The following TSPOAP1 variants were observed in gnomAD, a reference collection of about 807,000 sequenced individuals.
TSPOAP1 encodes the protein peripheral-type benzodiazepine receptor-associated protein 1.
TSPOAP1 carries 87 observed loss-of-function variants against 197.0 expected under a neutral mutation model. The ratio of observed to expected loss-of-function variants is 0.44; its 90% CI spans 0.37 to 0.53. The LOEUF (loss-of-function observed/expected upper bound fraction) is 0.53. TSPOAP1 is among the 20% of genes least tolerant of loss of function. The pLI is 0.00. For missense variants in TSPOAP1, 2,174 were observed against 2,411.3 expected (o/e 0.90, Z 2.06); for synonymous variants, 913 against 998.9 (o/e 0.91, Z 1.62).
At chr17:58,319,910 G>C (rs1214849368) in intron 12 of TSPOAP1, among the ~76,000 whole-genome samples, 199 bp downstream of exon 12, 1 of 151,928 alleles carries the variant, frequency 6.6e-6, no homozygotes, top group Non-Finnish European at 1.5e-5. Flanking sequence ...CCCAGTGTCT[G>C]ACAGACACGG....
At position 58,310,706 on chromosome 17, in the gene TSPOAP1, C is replaced by G; in HGVS notation, c.3505G>C (p.Ala1169Pro). 6.2e-7 allele frequency: 1 copy of G among 1,612,908 alleles called. No homozygotes were observed. Among genetic ancestry groups the G allele is most frequent in the South Asian group, 1.1e-5 (1 of 91,028 alleles). ...AVLGTSEERTASTSTLGEKDP... is the reference protein window; with the variant it reads ...AVLGTSEERTPSTSTLGEKDP... ...TTCTCACCCAGGGTAGATGTGCTGG[C>G]TGTCCTCTCCTCTGAGGTGCCCAGC... Residue 1169 changes from alanine to proline, a missense_variant, in exon 20 of 32, where the codon GCC becomes CCC. Around this residue, in one of 5 missense-constraint regions of TSPOAP1, gnomAD observed 1,933 missense variants for 2,139.0 expected, o/e 0.90. Coordinates refer to ENST00000343736, the MANE Select transcript of TSPOAP1 (RefSeq NM_004758.4).
In TSPOAP1 at chr17:58,304,795, C is replaced by T. The variant is rs1170953160; in HGVS notation, c.5544+266G>A. 1.5e-5 allele frequency: 9 copies of T among 608,566 alleles called. No homozygotes were observed. The highest frequency in any genetic ancestry group is 8.6e-5 in the East Asian group (3 of 34,756). 37.7% of individuals were successfully genotyped at this position (608,566 alleles called of 1,614,324 possible). On this transcript the variant is annotated intron_variant, in intron 30 of 31. Transcript: ENST00000343736. The surrounding 1 kb of genome is among the most constrained non-coding windows in gnomAD (Gnocchi z 4.2). ...CTTTTCCACAGGGCCCCCTCACCTG[C>T]GTCAGCCACCAGGTGTTGGCAGCTG...
Position 58,322,959 on chromosome 17 carries a change from C to T in TSPOAP1, c.1185G>A (p.Glu395=). The T allele has an allele frequency of 6.2e-7, 1 of 1,610,448 alleles. No individual in the cohort carries two copies. The highest frequency in any genetic ancestry group is 8.5e-7 in the Non-Finnish European group (1 of 1,178,486). Residue 395 remains glutamate, a synonymous_variant, in exon 8 of 32, where the codon GAG becomes GAA. Transcript: ENST00000343736. The surrounding 1 kb of genome is among the most constrained non-coding windows in gnomAD (Gnocchi z 5.0). ...TGGGCGGAAGTGGTACCTGCTCCTTCTCTGTGGCTCTCCCACTGAGCCGGG... is the reference window on the plus strand; with the variant it reads ...TGGGCGGAAGTGGTACCTGCTCCTTTTCTGTGGCTCTCCCACTGAGCCGGG... ...ENSRLSGRAT[E]KEQVEWENAE...
intron 4 of TSPOAP1, 53 bp downstream of exon 4, chr17:58,325,481 A>C (rs1453093609): frequency 5.0e-6 from 8 of 1,601,178 alleles, no homozygotes; most frequent in Non-Finnish European, 6.8e-6. Context: ...CACAACAGGC[A>C]GATGGCCCTG....
intron 31 of TSPOAP1, 83 bp from the exon 32 acceptor site, chr17:58,302,530 C>A: frequency 2.0e-6 from 2 of 982,270 alleles, no homozygotes; most frequent in Non-Finnish European, 2.6e-6. Context: ...GCCTAAGGGG[C>A]CTGCAGCCTC....
At position 58,326,399 on chromosome 17, in the gene TSPOAP1, G is replaced by A. The variant is rs986993760; in HGVS notation, c.464C>T (p.Thr155Ile). The part of the protein sequence containing the change: ...QMLRKSSFPE[T>I]EEKVRRLKRK... The stretch of plus-strand genomic sequence containing the variant: ...CTTCAGCCTCCGCACCTTCTCTTCT[G>A]TCTCAGGGAAGCTGCTCTTCCTCTG... The change falls in exon 3 of 32, where the codon ACA becomes ATA. Residue 155 changes from threonine (T) to isoleucine (I), a missense_variant. Thr to Ile is a moderately conservative substitution (Grantham distance 89). Transcript: ENST00000343736. This position sits in a 1 kb window ranked among gnomAD's most constrained non-coding sequence, Gnocchi z 4.7. The A allele has an allele frequency of 1.9e-6, 3 of 1,613,830 alleles. No individual in the cohort carries two copies. The East Asian group carries it at 6.7e-5, about 36-fold the overall frequency.
In TSPOAP1 at chr17:58,322,106, TCTC is replaced by T. The variant is rs1199962846; in HGVS notation, c.1422+199_1422+201del. On this transcript the variant is annotated intron_variant, in intron 10 of 31. Transcript: ENST00000343736. This position sits in a 1 kb window ranked among gnomAD's most constrained non-coding sequence, Gnocchi z 5.0. Reference sequence around the variant, plus strand: ...TCACTTTGTCACATCACCCTGTTCTTCTCCACCACTGTGCTCATCAGTGTCTGA... The same window carrying T: ...TCACTTTGTCACATCACCCTGTTCTTCACCACTGTGCTCATCAGTGTCTGA... 18 of 576,826 alleles carry T rather than the reference TCTC, an allele frequency of 3.1e-5. 1 individual carries two copies. Among genetic ancestry groups the T allele is most frequent in the Middle Eastern group, 9.2e-4 (2 of 2,176 alleles). 35.7% of individuals were successfully genotyped at this position (576,826 alleles called of 1,614,324 possible).
At position 58,302,193 on chromosome 17, in the gene TSPOAP1, G is replaced by A. The variant is rs781310835; in HGVS notation, c.*287C>T. The A allele has an allele frequency of 1.6e-6, 2 of 1,241,944 alleles. No homozygotes were observed. Among genetic ancestry groups the A allele is most frequent in the Admixed American group, 5.2e-5 (2 of 38,488 alleles). 76.9% of individuals were successfully genotyped at this position (1,241,944 alleles called of 1,614,324 possible). On this transcript the variant is annotated 3_prime_UTR_variant, in exon 32 of 32. Coordinates refer to ENST00000343736, the MANE Select transcript of TSPOAP1 (RefSeq NM_004758.4). ...AACGGGGGCTCTGGGCCCAGTCTGA[G>A]CCTTCCCTGCTCAGCAGAGACAGTG...
At chr17:58,306,635 G>T in intron 25 of TSPOAP1, 165 bp downstream of exon 25, 2 of 1,001,230 alleles carry the variant, frequency 2.0e-6, no homozygotes, top group Non-Finnish European at 2.9e-6. Flanking sequence ...CACGCGGCCA[G>T]CCCACGTACA....
rs776520679 is a variant in TSPOAP1 at position 58,305,114 on chromosome 17, G to A, written c.5491C>T (p.Pro1831Ser). ...TCCCTGTCCAGGCCGCCTGCCTCAGGCCCAGGGCCCTCCAGGAAGTTGGAT... is the reference window on the plus strand; with the variant it reads ...TCCCTGTCCAGGCCGCCTGCCTCAGACCCAGGGCCCTCCAGGAAGTTGGAT... ...VPSNFLEGPG[P>S]EAGGLDREPR... The change falls in exon 30 of 32, where the codon CCT (proline) becomes TCT (serine). Residue 1831 changes from proline (P) to serine (S), a missense_variant. Transcript: ENST00000343736. 7 of 1,614,016 alleles carry A rather than the reference G, an allele frequency of 4.3e-6. No individual in the cohort carries two copies. In the East Asian group the frequency reaches 1.1e-4, roughly 26 times the overall value.
At chr17:58,312,996 T>G (rs1420175660) in intron 16 of TSPOAP1, among the ~76,000 whole-genome samples, 1 of 152,224 alleles carries the variant, frequency 6.6e-6, no homozygotes, top group Non-Finnish European at 1.5e-5. Flanking sequence ...AAATGCAGAT[T>G]CTAACTCGGT....
At position 58,305,693 on chromosome 17, in the gene TSPOAP1, C is replaced by G. The variant is rs761761845; in HGVS notation, c.5258-50G>C. ...CTGGACTCTCTGGAGAGCCCTACAC[C>G]CCATCCTGTCTTCTGCCCCGGACCC... On this transcript the variant is annotated intron_variant, in intron 27 of 31. Coordinates refer to ENST00000343736, the MANE Select transcript of TSPOAP1 (RefSeq NM_004758.4). 2.2e-6 allele frequency: 3 copies of G among 1,366,232 alleles called. No homozygotes were observed. In the South Asian group the frequency reaches 3.9e-5, roughly 18 times the overall value. The allele number at this position is 1,366,232 out of a possible 1,614,324, so 84.6% of individuals were successfully genotyped here. A position where few individuals can be genotyped will look rare whatever the true frequency, so the allele number is the denominator to read the frequency against.
In TSPOAP1 at chr17:58,310,586, G is replaced by A. The variant is rs200749897; in HGVS notation, c.3625C>T (p.Arg1209Trp). The change falls in exon 20 of 32, where the codon CGG (arginine) becomes TGG (tryptophan). Residue 1209 changes from arginine to tryptophan, a missense_variant. Physicochemically the swap from Arg to Trp is moderately radical, Grantham distance 101. Transcript: ENST00000343736. ...CPASSSTQGA[R>W]AQQAPNTEMC... ...TCGGTATTTGGCGCCTGCTGGGCCC[G>A]TGCTCCCTGGGTGGAGCTGGAGGCC... 1.1e-4 allele frequency: 177 copies of A among 1,613,232 alleles called. No individual in the cohort carries two copies. The highest frequency in any genetic ancestry group is 1.9e-4 in the South Asian group (17 of 91,082).
chr17:58,312,747 G>T lies in TSPOAP1; in HGVS notation c.2099-25C>A, dbSNP rs769086205. 22 of 1,596,370 alleles carry T rather than the reference G, an allele frequency of 1.4e-5. No individual in the cohort carries two copies. The South Asian group carries it at 2.2e-4, about 16-fold the overall frequency. ...CCTGGCAGGAGGAGGACAGGAAGGG[G>T]CAGGGCAGGGGAAGACAGAGAGGAG... On this transcript the variant is annotated intron_variant, in intron 16 of 31. Coordinates refer to ENST00000343736, the MANE Select transcript of TSPOAP1 (RefSeq NM_004758.4).
Position 58,304,222 on chromosome 17 carries a change from T to C in TSPOAP1, c.*32+116A>G. On this transcript the variant is annotated intron_variant, in intron 31 of 31. Transcript: ENST00000343736. This position sits in a 1 kb window ranked among gnomAD's most constrained non-coding sequence, Gnocchi z 4.2. ...CTCATGGCAAGCTCTCCTTCGCCAT[T>C]CCCTGGACTACAGTGGGAAAGCTGG... 1.2e-6 allele frequency: 1 copy of C among 849,726 alleles called. No individual in the cohort carries two copies. The highest frequency in any genetic ancestry group is 1.9e-6 in the Non-Finnish European group (1 of 525,202). 52.6% of individuals were successfully genotyped at this position (849,726 alleles called of 1,614,324 possible).
At chr17:58,305,505 C>T (rs1484075821) in intron 28 of TSPOAP1, 35 bp downstream of exon 28, 4 of 1,611,700 alleles carry the variant, frequency 2.5e-6, no homozygotes, top group African/African-American at 1.3e-5. Flanking sequence ...GGCTCTGCCA[C>T]CGCCCTTTGC....
At position 58,304,309 on chromosome 17, in the gene TSPOAP1, G is replaced by T; in HGVS notation, c.*32+29C>A. ...GATTATGGTCAAGTGGGGGTGGACG[G>T]TCACACAGGGGGGCAGTCCCCCACT... On this transcript the variant is annotated intron_variant, in intron 31 of 31. Transcript: ENST00000343736. This position sits in a 1 kb window ranked among gnomAD's most constrained non-coding sequence, Gnocchi z 4.2. 4 of 1,596,270 alleles carry T rather than the reference G, an allele frequency of 2.5e-6. No homozygotes were observed. Among genetic ancestry groups the T allele is most frequent in the Non-Finnish European group, 3.4e-6 (4 of 1,164,380 alleles).
At chr17:58,307,044 C>T in intron 24 of TSPOAP1, 76 bp from the exon 25 acceptor site, 1 of 1,468,886 alleles carries the variant, frequency 6.8e-7, no homozygotes, top group Non-Finnish European at 9.3e-7. Context: ...CAGCAACACC[C>T]CACTTGGAAA....
At chr17:58,319,328 C>A in intron 12 of TSPOAP1, 34 bp from the exon 13 acceptor site, 1 of 1,541,758 alleles carries the variant, frequency 6.5e-7, no homozygotes. Context: ...CGCCAGGCCC[C>A]TCAAAGCTAC....
Sources: allele counts gnomAD v4.1 joint callset (sites outside exome capture counted in the v4.1 genomes callset), GRCh38; gene constraint gnomAD v4.1.1; regional missense constraint gnomAD v4.1.1; non-coding constraint Gnocchi (gnomAD v3.1); transcripts MANE v1.5; gene names NCBI Gene and HGNC (gene_info 2026-07-23, HGNC 2026-07-21).